DLGAP2: variants seen among roughly 807,000 people sequenced by gnomAD.
The protein encoded by DLGAP2 is disks large-associated protein 2.
In DLGAP2, 26 loss-of-function variants were observed where a neutral mutation model predicts 100.3. The observed-to-expected ratio is 0.26, with a 90% CI of 0.19 to 0.36. DLGAP2 has a LOEUF of 0.36. Ranked by LOEUF, DLGAP2 falls within the 10% of genes least tolerant of loss-of-function variation. DLGAP2 has a pLI of 1.00. For synonymous variants in DLGAP2, 886 were observed against 630.1 expected (o/e 1.41, Z -6.08); for missense variants, 1,858 against 1,453.2 (o/e 1.28, Z -4.53).
chr8:1,262,738 G>A (rs772366794), intron 3 of DLGAP2, among the ~76,000 whole-genome samples: 25 of 152,124 alleles, frequency 1.6e-4, no homozygotes, highest in African/African-American at 5.1e-4. Flanking sequence ...GCAAAAATCC[G>A]TGTGCGATAT....
Position 1,358,650 on chromosome 8 carries a change from G to A in DLGAP2, c.106+99767G>A, listed in dbSNP as rs375799197. On this transcript the variant is annotated intron_variant, in intron 3 of 14. Transcript: ENST00000637795. ...TTGATGTTGGTGTTGAGGGTTGGCC[G>A]TGGTGAAGAAGGCTTCTGATGGGCA... is the stretch of plus-strand genomic sequence containing the variant. 1.2e-4 allele frequency among the ~76,000 whole-genome samples: 19 copies of A among 152,290 alleles called. No homozygotes were observed. In the East Asian group the frequency reaches 2.1e-3, roughly 17 times the overall value.
intron 3 of DLGAP2, among the ~76,000 whole-genome samples, chr8:1,454,626 TC>T (rs1798253738): frequency 6.6e-6 from 1 of 152,154 alleles, no homozygotes. Context: ...ATTTCCGAGC[TC>T]CATTCCAGGG....
chr8:950,746 C>A (rs1193561833), intron 2 of DLGAP2, among the ~76,000 whole-genome samples: 1 of 151,654 alleles, frequency 6.6e-6, no homozygotes, highest in Non-Finnish European at 1.5e-5. Context: ...CTCAGCCTCC[C>A]GAGTAGCTGG....
chr8:832,862 A>C (rs1796807109), intron 1 of DLGAP2, among the ~76,000 whole-genome samples: 1 of 152,142 alleles, frequency 6.6e-6, no homozygotes, highest in Non-Finnish European at 1.5e-5. Flanking sequence ...AGGAGGAGAG[A>C]GATGGCACGG....
chr8:1,411,254 G>C (rs1237829875), intron 3 of DLGAP2, among the ~76,000 whole-genome samples: 1 of 152,176 alleles, frequency 6.6e-6, no homozygotes, highest in African/African-American at 2.4e-5. Context: ...TTTTAACAAT[G>C]TGCAATGCAT....
intron 2 of DLGAP2, among the ~76,000 whole-genome samples, chr8:1,257,361 C>G (rs1799246906): frequency 6.6e-6 from 1 of 152,032 alleles, no homozygotes; most frequent in Non-Finnish European, 1.5e-5. Context: ...TTATTTTGAA[C>G]AACACCTCAA....
intron 2 of DLGAP2, among the ~76,000 whole-genome samples, chr8:1,112,679 C>G (rs1379912829): frequency 3.9e-5 from 6 of 152,198 alleles, no homozygotes; most frequent in South Asian, 2.1e-4. Flanking sequence ...TCTGTTCGCT[C>G]TGATGATAGT....
chr8:1,041,597 TGA>T (rs1474846901), intron 2 of DLGAP2, among the ~76,000 whole-genome samples: 4 of 143,544 alleles, frequency 2.8e-5, no homozygotes, highest in African/African-American at 1.1e-4. Context: ...TTGCCGTGGG[TGA>T]GTGTTCTCCG....
At chr8:747,967 TGGTGGGATGGGCGGGCCTGC>T in intron 1 of DLGAP2, among the ~76,000 whole-genome samples, 1 of 2,846 alleles carries the variant, frequency 3.5e-4, no homozygotes, top group Non-Finnish European at 4.9e-4. Flanking sequence ...GGGGGCTCTG[TGGTGGGATGGGCGGGCCTGC>T]GGTGGGATGG....
intron 1 of DLGAP2, among the ~76,000 whole-genome samples, chr8:828,225 T>C (rs1242523226): frequency 6.6e-6 from 1 of 152,192 alleles, no homozygotes; most frequent in Non-Finnish European, 1.5e-5. Context: ...CAAAATTTAT[T>C]AGGCAGGAAT....
At chr8:1,162,130 G>C (rs1014552049) in intron 2 of DLGAP2, among the ~76,000 whole-genome samples, 8 of 152,236 alleles carry the variant, frequency 5.3e-5, no homozygotes, top group African/African-American at 1.9e-4. Flanking sequence ...TCCACAGGAG[G>C]CTACGGAGGC....
At chr8:900,604 A>G (rs970281350) in intron 1 of DLGAP2, among the ~76,000 whole-genome samples, 5 of 152,176 alleles carry the variant, frequency 3.3e-5, no homozygotes, top group Admixed American at 1.3e-4. Context: ...TTCAGCACCC[A>G]TGGATGGCTC....
chr8:922,451 A>T (rs1262905019), intron 2 of DLGAP2, among the ~76,000 whole-genome samples: 2 of 152,352 alleles, frequency 1.3e-5, no homozygotes, highest in African/African-American at 4.8e-5. Context: ...AAGGCATTTT[A>T]TTGAAAAGAA....
intron 4 of DLGAP2, 142 bp from the exon 5 acceptor site, chr8:1,548,484 A>AAACC (rs397734475): frequency 7.8e-6 from 4 of 510,150 alleles, no homozygotes; most frequent in South Asian, 6.3e-5. Context: ...AAAAAAAAAA[A>AAACC]CCCACAAATC....
At chr8:1,445,628 TG>T (rs1312559563) in intron 3 of DLGAP2, among the ~76,000 whole-genome samples, 3 of 152,204 alleles carry the variant, frequency 2.0e-5, no homozygotes, top group Non-Finnish European at 4.4e-5. Flanking sequence ...CTGGGTCAAA[TG>T]GTATTTCTAG....
intron 1 of DLGAP2, among the ~76,000 whole-genome samples, chr8:767,373 C>T (rs1177270968): frequency 1.7e-5 from 2 of 119,426 alleles, no homozygotes; most frequent in South Asian, 5.4e-4. Flanking sequence ...TTTTTTGAGA[C>T]AGAGTTTCGG....
chr8:1,053,250 T>A (rs2701908), intron 2 of DLGAP2, among the ~76,000 whole-genome samples: 2 of 151,914 alleles, frequency 1.3e-5, no homozygotes, highest in African/African-American at 4.8e-5. Context: ...GCCAGTCTAT[T>A]TGGGCAAATT....
chr8:1,354,366 A>G (rs908802324), intron 3 of DLGAP2, among the ~76,000 whole-genome samples: 1 of 152,168 alleles, frequency 6.6e-6, no homozygotes, highest in African/African-American at 2.4e-5. Context: ...AATACAAAGT[A>G]TCTGGGTGTG....
intron 1 of DLGAP2, among the ~76,000 whole-genome samples, chr8:773,633 T>A (rs1821426649): frequency 1.3e-5 from 2 of 151,742 alleles, no homozygotes; most frequent in South Asian, 4.2e-4. Flanking sequence ...TTACTGAGAA[T>A]GATGATTTCC....
Sources: gnomAD v4.1 joint callset for allele counts (sites outside exome capture counted in the v4.1 genomes callset) on GRCh38, gnomAD v4.1.1 for gene constraint, MANE v1.5 for transcripts, NCBI Gene and HGNC (gene_info 2026-07-23, HGNC 2026-07-21) for gene names.